SON: variants seen among roughly 807,000 people sequenced by gnomAD.
SON encodes the protein SON DNA and RNA binding protein, also known as protein SON.
Under a neutral mutation model 173.3 loss-of-function variants are expected in SON, and 4 were observed. That is an observed-to-expected ratio of 0.02 (90% CI 0.01 to 0.05). The LOEUF (loss-of-function observed/expected upper bound fraction) is 0.05. Ranked by LOEUF, SON falls within the 10% of genes least tolerant of loss-of-function variation. SON has a pLI of 1.00. For synonymous variants in SON, 1,190 were observed against 1,105.9 expected (o/e 1.08, Z -1.51); for missense variants, 2,626 against 3,055.3 (o/e 0.86, Z 3.31).
In SON at chr21:33,575,636, G is replaced by A. The variant is rs141910822; in HGVS notation, c.7074G>A (p.Gly2358=). 3,784 of 1,613,132 alleles carry A rather than the reference G, an allele frequency of 2.3e-3. 5 individuals carry two copies. Among genetic ancestry groups the A allele is most frequent in the Non-Finnish European group, 2.9e-3 (3,365 of 1,179,598 alleles). The change falls in exon 10 of 12, where the codon GGG becomes GGA. Residue 2358 remains glycine (G), a synonymous_variant. Coordinates refer to ENST00000356577, the MANE Select transcript of SON (RefSeq NM_138927.4). ...AVGERAQKRS[G]NFSAAMKDLS... ...GAGAAAGAGCACAAAAGAGGTCTGG[G>A]AACTTCTCTGCTGCAATGAAAGATC...
rs1287243145 is a variant in SON, at chr21:33,555,363, C to T, written c.6132C>T (p.Gly2044=). The T allele has an allele frequency of 6.4e-7, 1 of 1,573,836 alleles. No individual in the cohort carries two copies. The highest frequency in any genetic ancestry group is 1.2e-5 in the South Asian group (1 of 85,548). The change falls in exon 3 of 12, where the codon GGC becomes GGT. Residue 2044 remains glycine, a synonymous_variant. Transcript: ENST00000356577. ...RRKRSRSSER[G]RSPKRLTDLD... ...AAAGATCCAGGTCTTCTGAACGAGG[C>T]AGATCACCCAAACGTCTGACAGATT...
rs376954101 is a variant in SON, at chr21:33,550,718, C to T, written c.1487C>T (p.Ala496Val). ...TAAVELPEQP[A>V]VTVAMELTEQ... ...GCAGTAGAGTTGCCAGAGCAGCCTG[C>T]GGTAACAGTAGCAATGGAGTTGACC... The change falls in exon 3 of 12, where the codon GCG becomes GTG. Residue 496 changes from alanine to valine, a missense_variant. By Grantham distance (64) the Ala-to-Val change is moderately conservative. Transcript: ENST00000356577. The T allele has an allele frequency of 5.1e-5, 83 of 1,613,924 alleles. 1 individual carries two copies. In the East Asian group the frequency reaches 1.4e-3, roughly 28 times the overall value.
chr21:33,576,296 G>A (rs575046100), intron 11 of SON, 69 bp from the exon 12 acceptor site: 2 of 795,208 alleles, frequency 2.5e-6, no homozygotes, highest in East Asian at 2.4e-5. Context: ...CTAGCATTTA[G>A]TGAAAAAATA....
At chr21:33,555,449 T>G (rs2085948615) in intron 3 of SON, 58 bp downstream of exon 3, 35 of 1,427,420 alleles carry the variant, frequency 2.5e-5, no homozygotes, top group Non-Finnish European at 3.2e-5. Flanking sequence ...ACCTTAATTT[T>G]TTTCTGACCT....
chr21:33,569,212 T>TATATG, intron 8 of SON, 125 bp downstream of exon 8: 1 of 621,206 alleles, frequency 1.6e-6, no homozygotes, highest in Non-Finnish European at 2.9e-6. Flanking sequence ...TTGCTATGTG[T>TATATG]ATATGCTCCA....
At position 33,559,407 on chromosome 21, in the gene SON, C is replaced by T. The variant is rs1428876563; in HGVS notation, c.6468+31C>T. On this transcript the variant is annotated intron_variant, in intron 5 of 11. Coordinates refer to ENST00000356577, the MANE Select transcript of SON (RefSeq NM_138927.4). The surrounding 1 kb of genome is among the most constrained non-coding windows in gnomAD (Gnocchi z 4.1). ...TATTAGTGCTTATGGATTGGTAAAA[C>T]AGTGTAACTTGTGGAACTATTTAAA... 6.4e-7 allele frequency: 1 copy of T among 1,567,430 alleles called. No individual in the cohort carries two copies. Among genetic ancestry groups the T allele is most frequent in the East Asian group, 2.2e-5 (1 of 44,462 alleles).
chr21:33,572,582 G>A (rs756223612), intron 8 of SON: 103 of 1,303,950 alleles, frequency 7.9e-5, no homozygotes, highest in Admixed American at 2.8e-4. Context: ...TTCTTGCCCC[G>A]GTCAGTGCCA....
rs939697759 is a variant in SON at position 33,549,758 on chromosome 21, C to T, written c.527C>T (p.Pro176Leu). Reference sequence around the variant, plus strand: ...GAGCTTCCTACAAGAGCATTTGGCCCATCTGAGACCAATGAATCCCCTGCA... The same window carrying T: ...GAGCTTCCTACAAGAGCATTTGGCCTATCTGAGACCAATGAATCCCCTGCA... ...ALELPTRAFG[P>L]SETNESPAVV... The change falls in exon 3 of 12, where the codon CCA becomes CTA. Residue 176 changes from proline to leucine, a missense_variant. Around this residue, in one of 13 missense-constraint regions of SON, gnomAD observed 757 missense variants for 730.1 expected, o/e 1.04. Coordinates refer to ENST00000356577, the MANE Select transcript of SON (RefSeq NM_138927.4). 6.2e-7 allele frequency: 1 copy of T among 1,614,188 alleles called. No homozygotes were observed. The highest frequency in any genetic ancestry group is 1.3e-5 in the African/African-American group (1 of 75,052).
chr21:33,546,379 G>A lies in SON; in HGVS notation c.244G>A (p.Asp82Asn). 6.3e-7 allele frequency: 1 copy of A among 1,592,450 alleles called. No homozygotes were observed. Among genetic ancestry groups the A allele is most frequent in the African/African-American group, 1.4e-5 (1 of 73,530 alleles). Residue 82 changes from aspartate to asparagine, a missense_variant and splice_region_variant, in exon 2 of 12, where the codon GAC becomes AAC. Asp to Asn is a conservative substitution (Grantham distance 23). Coordinates refer to ENST00000356577, the MANE Select transcript of SON (RefSeq NM_138927.4). ...AGATACAGAACTACGATATAAGCCA[G>A]GTAAGTTGGAGATAATTAACTGTCT... is the stretch of plus-strand genomic sequence containing the variant. ...VLDTELRYKP[D>N]LKEGSRKSRC...
At position 33,552,274 on chromosome 21, in the gene SON, C is replaced by T; in HGVS notation, c.3043C>T (p.Arg1015Cys). Residue 1015 changes from arginine to cysteine, a missense_variant, in exon 3 of 12, where the codon CGC becomes TGC. Arg to Cys is a radical substitution (Grantham distance 180). Around this residue, in one of 13 missense-constraint regions of SON, gnomAD observed 366 missense variants for 448.6 expected, o/e 0.82. Transcript: ENST00000356577. This position sits in a 1 kb window ranked among gnomAD's most constrained non-coding sequence, Gnocchi z 5.6. ...ACGTTCCATGATGTCATCTTACGAA[C>T]GCTCTATGATGTCTTATGAGCGGTC... ...AERSMMSSYE[R>C]SMMSYERSMM... is the part of the protein sequence containing the mutation. The T allele has an allele frequency of 1.2e-6, 2 of 1,614,144 alleles. No homozygotes were observed. The highest frequency in any genetic ancestry group is 1.7e-6 in the Non-Finnish European group (2 of 1,180,014).
intron 6 of SON, among the ~76,000 whole-genome samples, chr21:33,563,324 C>G (rs551779234): frequency 6.6e-6 from 1 of 152,206 alleles, no homozygotes; most frequent in Non-Finnish European, 1.5e-5. Flanking sequence ...CTTTTTAAAG[C>G]CAACCAAACA....
intron 8 of SON, among the ~76,000 whole-genome samples, chr21:33,570,563 A>T (rs1279708472): frequency 6.6e-6 from 1 of 152,212 alleles, no homozygotes; most frequent in Non-Finnish European, 1.5e-5. Flanking sequence ...TGTATATAGC[A>T]AAATATTTTA....
rs1271423949 is a variant in SON at position 33,552,021 on chromosome 21, G to A, written c.2790G>A (p.Leu930=). 6.2e-6 allele frequency: 10 copies of A among 1,614,054 alleles called. No individual in the cohort carries two copies. The highest frequency in any genetic ancestry group is 8.5e-6 in the Non-Finnish European group (10 of 1,179,966). Residue 930 remains leucine, a synonymous_variant, in exon 3 of 12, where the codon TTG becomes TTA. Coordinates refer to ENST00000356577, the MANE Select transcript of SON (RefSeq NM_138927.4). This position sits in a 1 kb window ranked among gnomAD's most constrained non-coding sequence, Gnocchi z 5.6. ...PYRLAQDPYR[L]GHDPYRLGHD... The stretch of plus-strand genomic sequence containing the variant: ...GGTTAGCTCAGGATCCCTATAGGTT[G>A]GGCCATGACCCCTATAGATTAGGTC...
intron 2 of SON, 45 bp from the exon 3 acceptor site, chr21:33,549,431 C>T (rs1166157665): frequency 2.1e-6 from 3 of 1,462,028 alleles, no homozygotes; most frequent in South Asian, 2.9e-5. Flanking sequence ...TAATCTAACT[C>T]TACTTTGGGG....
intron 1 of SON, among the ~76,000 whole-genome samples, chr21:33,543,711 C>T (rs373227546): frequency 3.3e-5 from 5 of 152,202 alleles, no homozygotes; most frequent in African/African-American, 9.7e-5. Flanking sequence ...TATCTGTCAG[C>T]CGTTCTGATA....
Position 33,552,549 on chromosome 21 carries a change from G to A in SON, c.3318G>A (p.Ser1106=), listed in dbSNP as rs201429291. The A allele has an allele frequency of 1.9e-5, 30 of 1,613,876 alleles. No homozygotes were observed. Among genetic ancestry groups the A allele is most frequent in the South Asian group, 5.5e-5 (5 of 91,068 alleles). The part of the protein sequence containing the change: ...YSAADRSMMS[S]YSAADRSMMS... ...CTGCTGACCGGTCTATGATGTCATC[G>A]TACTCTGCAGCTGACCGATCTATGA... is the stretch of plus-strand genomic sequence containing the variant. Residue 1106 remains serine, a synonymous_variant, in exon 3 of 12, where the codon TCG becomes TCA. Transcript: ENST00000356577. This position sits in a 1 kb window ranked among gnomAD's most constrained non-coding sequence, Gnocchi z 5.6.
Position 33,551,077 on chromosome 21 carries a change from G to A in SON, c.1846G>A (p.Gly616Arg). The A allele has an allele frequency of 6.2e-7, 1 of 1,612,360 alleles. No homozygotes were observed. The highest frequency in any genetic ancestry group is 8.5e-7 in the Non-Finnish European group (1 of 1,179,260). ...GTTCTCGGGGCAGTCTGGGGCAGCT[G>A]GAGCACTGGAGCTTTTGGGGCAGCC... ...LEFSGQSGAAGALELLGQPLA... is the reference protein window; with the variant it reads ...LEFSGQSGAARALELLGQPLA... Residue 616 changes from glycine (G) to arginine (R), a missense_variant, in exon 3 of 12, where the codon GGA becomes AGA. Transcript: ENST00000356577.
At position 33,552,986 on chromosome 21, in the gene SON, C is replaced by T. The variant is rs1258475746; in HGVS notation, c.3755C>T (p.Pro1252Leu). 2 of 1,614,022 alleles carry T rather than the reference C, an allele frequency of 1.2e-6. No homozygotes were observed. Among genetic ancestry groups the T allele is most frequent in the African/African-American group, 2.7e-5 (2 of 74,912 alleles). ...SEAAVTVPEPPPEPESSITLT... is the reference protein window; with the variant it reads ...SEAAVTVPEPLPEPESSITLT... ...GCTGCTGTGACTGTTCCAGAACCACCACCAGAGCCAGAATCTTCAATTACG... is the reference window on the plus strand; with the variant it reads ...GCTGCTGTGACTGTTCCAGAACCACTACCAGAGCCAGAATCTTCAATTACG... The change falls in exon 3 of 12, where the codon CCA (proline) becomes CTA (leucine). Residue 1252 changes from proline (P) to leucine (L), a missense_variant. Pro to Leu is a moderately conservative substitution (Grantham distance 98). Coordinates refer to ENST00000356577, the MANE Select transcript of SON (RefSeq NM_138927.4). This position sits in a 1 kb window ranked among gnomAD's most constrained non-coding sequence, Gnocchi z 5.6.
intron 7 of SON, among the ~76,000 whole-genome samples, chr21:33,568,228 C>T (rs2086212171): frequency 6.6e-6 from 1 of 152,156 alleles, no homozygotes; most frequent in Non-Finnish European, 1.5e-5. Flanking sequence ...TGCAGTGGCT[C>T]ACGCCTGTTA....
Sources: gnomAD v4.1 joint callset for allele counts (sites outside exome capture counted in the v4.1 genomes callset) on GRCh38, gnomAD v4.1.1 for gene constraint, gnomAD v4.1.1 regional missense constraint, Gnocchi (gnomAD v3.1) non-coding constraint, MANE v1.5 for transcripts, NCBI Gene and HGNC (gene_info 2026-07-23, HGNC 2026-07-21) for gene names.